Variants in NEDD4L observed in about 807,000 individuals in gnomAD.
NEDD4L encodes the protein NEDD4 like E3 ubiquitin protein ligase, also known as E3 ubiquitin-protein ligase NEDD4-like.
NEDD4L carries 54 observed loss-of-function variants against 148.9 expected under a neutral mutation model. That is an observed-to-expected ratio of 0.36 (90% confidence interval 0.29 to 0.45). The LOEUF is 0.45. NEDD4L is among the 20% of genes least tolerant of loss of function. NEDD4L has a pLI of 1.00. For missense variants in NEDD4L, 856 were observed against 1,233.8 expected, an observed-to-expected ratio of 0.69 and a Z score of 4.59; for synonymous variants, 433 against 440.7, an observed-to-expected ratio of 0.98 and a Z score of 0.22.
At chr18:58,216,865 T>C (rs972356387) in intron 2 of NEDD4L, among the ~76,000 whole-genome samples, 1 of 152,318 alleles carries the variant, frequency 6.6e-6, no homozygotes, top group Non-Finnish European at 1.5e-5. Context: ...CTTTCTTTCC[T>C]GTGAAAATGT....
chr18:58,280,799 T>A (rs193186584), intron 5 of NEDD4L, among the ~76,000 whole-genome samples: 6 of 152,346 alleles, frequency 3.9e-5, no homozygotes, highest in Non-Finnish European at 8.8e-5. Flanking sequence ...AAAGTCAGTA[T>A]GGCATATAGT....
Position 58,322,348 on chromosome 18 carries a change from T to G in NEDD4L, c.349-77T>G. On this transcript the variant is annotated intron_variant, in intron 6 of 30. Transcript: ENST00000400345. ...ATTCTAAAATTCAAAATATATTCTC[T>G]GTAATCCAGTTGCCTGTATCTAAAA... 4 of 991,810 alleles carry G rather than the reference T, an allele frequency of 4.0e-6. 1 individual carries two copies. The highest frequency in any genetic ancestry group is 6.3e-6 in the Non-Finnish European group (4 of 635,984). The allele number at this position is 991,810 out of a possible 1,614,324, so 61.4% of individuals were successfully genotyped here. A position where few individuals can be genotyped will look rare whatever the true frequency, so the allele number is the denominator to read the frequency against.
intron 9 of NEDD4L, among the ~76,000 whole-genome samples, chr18:58,327,254 TGCCCAGCTAATGTTTG>T (rs1261048165): frequency 5.3e-5 from 8 of 152,176 alleles, no homozygotes; most frequent in African/African-American, 1.9e-4. Context: ...CCCGCCGCCA[TGCCCAGCTAATGTTTG>T]TATTTTTGTG....
chr18:58,364,342 T>C lies in NEDD4L; in HGVS notation c.1833+9T>C. ...AGAAATTAAAGAAACCTGTGAGTAATCATGCCTTCCAAAAATGCTTTGTGT... is the reference window on the plus strand; with the variant it reads ...AGAAATTAAAGAAACCTGTGAGTAACCATGCCTTCCAAAAATGCTTTGTGT... On this transcript the variant is annotated intron_variant, in intron 20 of 30. Transcript: ENST00000400345. 1 of 1,535,350 alleles carries C rather than the reference T, an allele frequency of 6.5e-7. No individual in the cohort carries two copies. The highest frequency in any genetic ancestry group is 8.8e-7 in the Non-Finnish European group (1 of 1,132,854).
intron 1 of NEDD4L, among the ~76,000 whole-genome samples, chr18:58,049,241 G>A (rs1203219292): frequency 1.3e-5 from 2 of 152,194 alleles, no homozygotes; most frequent in Non-Finnish European, 2.9e-5. Context: ...AAAAAGAGAA[G>A]TGCTCTTAAA....
chr18:58,203,030 C>T (rs1474927117), intron 2 of NEDD4L, among the ~76,000 whole-genome samples: 4 of 152,016 alleles, frequency 2.6e-5, no homozygotes, highest in Non-Finnish European at 2.9e-5. Flanking sequence ...GACTGAGACA[C>T]ACTTGTAGCT....
At chr18:58,081,814 G>GT (rs1342853865) in intron 1 of NEDD4L, among the ~76,000 whole-genome samples, 2 of 151,786 alleles carry the variant, frequency 1.3e-5, no homozygotes, top group South Asian at 2.1e-4. Context: ...GAACTTTCTG[G>GT]TTTTTTTCCA....
intron 25 of NEDD4L, among the ~76,000 whole-genome samples, chr18:58,384,392 A>G (rs148036858): frequency 6.2e-4 from 95 of 152,338 alleles, no homozygotes; most frequent in African/African-American, 2.2e-3. Context: ...ACCTGGCCAC[A>G]TTAATTGGCA....
chr18:58,057,536 C>G (rs1270701086), intron 1 of NEDD4L, among the ~76,000 whole-genome samples: 3 of 152,174 alleles, frequency 2.0e-5, no homozygotes, highest in African/African-American at 7.2e-5. Flanking sequence ...GGGGTAGGCA[C>G]TGGCAAAGCT....
At chr18:58,157,297 A>G (rs1285844136) in intron 1 of NEDD4L, among the ~76,000 whole-genome samples, 1 of 152,134 alleles carries the variant, frequency 6.6e-6, no homozygotes, top group African/African-American at 2.4e-5. Context: ...CTTAAAATGA[A>G]TTTTTGAGTT....
chr18:58,373,327 T>C, intron 24 of NEDD4L, 58 bp downstream of exon 24: 1 of 979,248 alleles, frequency 1.0e-6, no homozygotes, highest in Non-Finnish European at 1.6e-6. Context: ...TTTTTCTTCT[T>C]GACGGGCTGT....
chr18:58,180,261 G>T (rs1441938327), intron 2 of NEDD4L, among the ~76,000 whole-genome samples: 1 of 152,174 alleles, frequency 6.6e-6, no homozygotes, highest in South Asian at 2.1e-4. Context: ...CTTTGCACAA[G>T]TGCCTTGCTC....
At chr18:58,161,044 TCTCA>T (rs1378388901) in intron 1 of NEDD4L, among the ~76,000 whole-genome samples, 1 of 151,886 alleles carries the variant, frequency 6.6e-6, no homozygotes, top group Non-Finnish European at 1.5e-5. Flanking sequence ...TGAGACAGGG[TCTCA>T]CTCTGTCGCC....
intron 1 of NEDD4L, chr18:58,047,535 G>A: frequency 4.1e-6 from 4 of 984,396 alleles, no homozygotes; most frequent in Non-Finnish European, 4.8e-6. Flanking sequence ...TGTGGGCTTT[G>A]CTTGTGTGAA....
chr18:58,303,320 A>T (rs2056719847), intron 5 of NEDD4L, among the ~76,000 whole-genome samples: 1 of 152,138 alleles, frequency 6.6e-6, no homozygotes, highest in Non-Finnish European at 1.5e-5. Context: ...TTTTGACACG[A>T]CATTGAAGTG....
At chr18:58,227,727 A>G (rs1568428178) in intron 2 of NEDD4L, 2 of 197,392 alleles carry the variant, frequency 1.0e-5, no homozygotes, top group Non-Finnish European at 9.1e-6. Context: ...TCAGTGTTCA[A>G]CATGCTGCAG....
intron 2 of NEDD4L, among the ~76,000 whole-genome samples, chr18:58,174,218 T>C (rs2037838917): frequency 6.6e-6 from 1 of 152,002 alleles, no homozygotes; most frequent in African/African-American, 2.4e-5. Context: ...CCCGTGTGGC[T>C]GGGCCCAGGG....
At chr18:58,097,027 C>T (rs568345631) in intron 1 of NEDD4L, among the ~76,000 whole-genome samples, 148 of 152,218 alleles carry the variant, frequency 9.7e-4, no homozygotes, top group Non-Finnish European at 1.4e-3. Flanking sequence ...GTATGAAAGT[C>T]AGTGCTTCAT....
intron 19 of NEDD4L, among the ~76,000 whole-genome samples, chr18:58,362,236 C>T (rs906612609): frequency 8.5e-5 from 13 of 152,196 alleles, no homozygotes; most frequent in African/African-American, 2.9e-4. Flanking sequence ...TTAAGACAGT[C>T]GAACTTGCAT....
Sources: allele counts gnomAD v4.1 joint callset (sites outside exome capture counted in the v4.1 genomes callset), GRCh38; gene constraint gnomAD v4.1.1; transcripts MANE v1.5; gene names NCBI Gene and HGNC (gene_info 2026-07-23, HGNC 2026-07-21).